CRMP1: variants seen among roughly 807,000 people sequenced by gnomAD.
CRMP1 encodes collapsin response mediator protein 1, also known as dihydropyrimidinase-related protein 1.
Under a neutral mutation model 68.3 loss-of-function variants are expected in CRMP1, and 19 were observed. That is an observed-to-expected ratio of 0.28 (90% confidence interval 0.19 to 0.41). CRMP1 has a LOEUF of 0.41. Ranked by LOEUF, CRMP1 falls within the 10% of genes least tolerant of loss-of-function variation. The pLI is 1.00. For missense variants in CRMP1, 791 were observed against 967.4 expected (o/e 0.82, Z 2.42); for synonymous variants, 439 against 399.6 (o/e 1.10, Z -1.18).
At position 5,860,943 on chromosome 4, in the gene CRMP1, A is replaced by G. The variant is rs1713506106; in HGVS notation, c.655+83T>C. The G allele has an allele frequency of 7.0e-7, 1 of 1,424,258 alleles. No individual in the cohort carries two copies. The highest frequency in any genetic ancestry group is 9.6e-7 in the Non-Finnish European group (1 of 1,041,594). 88.2% of individuals were successfully genotyped at this position (1,424,258 alleles called of 1,614,324 possible). On this transcript the variant is annotated intron_variant, in intron 3 of 13. Transcript: ENST00000324989. This position sits in a 1 kb window ranked among gnomAD's most constrained non-coding sequence, Gnocchi z 4.2. Reference sequence around the variant, plus strand: ...ATGGCACCCTGGGCAGAGAGCCTCGAACACACTGAGCACTTGTGATGCTGG... The same window carrying G: ...ATGGCACCCTGGGCAGAGAGCCTCGGACACACTGAGCACTTGTGATGCTGG...
intron 11 of CRMP1, among the ~76,000 whole-genome samples, chr4:5,830,388 T>C (rs1048963637): frequency 6.6e-6 from 1 of 152,244 alleles, no homozygotes; most frequent in Non-Finnish European, 1.5e-5. Context: ...TCTTTACCAT[T>C]TCTAAGTTTT....
rs369274794 is a variant in CRMP1, at chr4:5,825,644, C to T, written c.1819G>A (p.Gly607Arg). The change falls in exon 13 of 14, where the codon GGG becomes AGG. Residue 607 changes from glycine to arginine, a missense_variant. Gly to Arg is a moderately radical substitution (Grantham distance 125, BLOSUM62 -2). Coordinates refer to ENST00000324989, the MANE Select transcript of CRMP1 (RefSeq NM_001014809.3). The surrounding 1 kb of genome is among the most constrained non-coding windows in gnomAD (Gnocchi z 4.4). ...KIRNKVFGLQ[G>R]VSRGMYDGPV... ...CCGTCATACATGCCCCTGGAAACCC[C>T]TTGCAATCCAAAAACCTAAACAGAG... The T allele has an allele frequency of 1.2e-6, 2 of 1,612,142 alleles. No homozygotes were observed. Among genetic ancestry groups the T allele is most frequent in the South Asian group, 2.2e-5 (2 of 90,690 alleles).
chr4:5,851,914 AAGG>A (rs1209427884), intron 4 of CRMP1, among the ~76,000 whole-genome samples: 2 of 144,478 alleles, frequency 1.4e-5, no homozygotes, highest in Admixed American at 6.9e-5. Flanking sequence ...GGAGAAAGAG[AAGG>A]AGAAGAGGAA....
In CRMP1 at chr4:5,841,539, T is replaced by C. The variant is rs2286282; in HGVS notation, c.1033-111A>G. 576,567 of 1,529,896 alleles carry C rather than the reference T, an allele frequency of 0.38. 110,533 individuals carry two copies. The highest frequency in any genetic ancestry group is 0.46 in the African/African-American group (33,627 of 73,432). 94.8% of individuals were successfully genotyped at this position (1,529,896 alleles called of 1,614,324 possible). On this transcript the variant is annotated intron_variant, in intron 7 of 13. Coordinates refer to ENST00000324989, the MANE Select transcript of CRMP1 (RefSeq NM_001014809.3). This position sits in a 1 kb window ranked among gnomAD's most constrained non-coding sequence, Gnocchi z 6.9. ...CAGAAGGGAAATCTGCTCCATTGAATGAGAAGGACATACTGAGTCCAACAG... is the reference window on the plus strand; with the variant it reads ...CAGAAGGGAAATCTGCTCCATTGAACGAGAAGGACATACTGAGTCCAACAG...
chr4:5,864,345 T>C (rs1398250748), intron 2 of CRMP1, among the ~76,000 whole-genome samples: 2 of 152,088 alleles, frequency 1.3e-5, no homozygotes, highest in Non-Finnish European at 2.9e-5. Context: ...CAAAGGGGTG[T>C]TCCCTCAGAG....
rs1328696122 is a variant in CRMP1, at chr4:5,859,438, G to A, written c.655+1588C>T. On this transcript the variant is annotated intron_variant, in intron 3 of 13. Coordinates refer to ENST00000324989, the MANE Select transcript of CRMP1 (RefSeq NM_001014809.3). The surrounding 1 kb of genome is among the most constrained non-coding windows in gnomAD (Gnocchi z 5.2). ...AGTACTCCTTCCCCTGCCCTGTGCA[G>A]TCCTCCTGAACCCAGAACTTCCATG... 2.0e-5 allele frequency among the ~76,000 whole-genome samples: 3 copies of A among 152,198 alleles called. No homozygotes were observed. The highest frequency in any genetic ancestry group is 4.4e-5 in the Non-Finnish European group (3 of 68,040).
At chr4:5,887,037 G>C (rs567863261) in intron 1 of CRMP1, among the ~76,000 whole-genome samples, 3 of 152,172 alleles carry the variant, frequency 2.0e-5, no homozygotes, top group Admixed American at 2.0e-4. Context: ...GACAGTGCAG[G>C]GGAGGCAGGG....
At chr4:5,845,091 C>T (rs185790714) in intron 6 of CRMP1, among the ~76,000 whole-genome samples, 8 of 152,314 alleles carry the variant, frequency 5.3e-5, no homozygotes, top group East Asian at 1.9e-4. Context: ...CAAATGGAGC[C>T]GGACATAAGA....
At position 5,892,785 on chromosome 4, in the gene CRMP1, C is replaced by A; in HGVS notation, c.185G>T (p.Arg62Leu). 3.1e-6 allele frequency: 4 copies of A among 1,304,376 alleles called. No individual in the cohort carries two copies. Among genetic ancestry groups the A allele is most frequent in the South Asian group, 2.0e-5 (1 of 48,866 alleles). The allele number at this position is 1,304,376 out of a possible 1,614,324, so 80.8% of individuals were successfully genotyped here. The change falls in exon 1 of 14, where the codon CGC (arginine) becomes CTC (leucine). Residue 62 changes from arginine to leucine, a missense_variant. Arg to Leu is a moderately radical substitution (Grantham distance 102, BLOSUM62 -2). Coordinates refer to ENST00000324989, the MANE Select transcript of CRMP1 (RefSeq NM_001014809.3). This position sits in a 1 kb window ranked among gnomAD's most constrained non-coding sequence, Gnocchi z 8.6. Reference sequence around the variant, plus strand: ...GGGCCGGCCAGCGCTGCGCGGCGTGCGCGCCGAGCCGCGGCGGCCCACACT... The same window carrying A: ...GGGCCGGCCAGCGCTGCGCGGCGTGAGCGCCGAGCCGCGGCGGCCCACACT... Reference protein sequence around the residue: ...AYSVGRRGSARTPRSAGRPDA... With the variant: ...AYSVGRRGSALTPRSAGRPDA...
At chr4:5,829,759 A>C (rs911683509) in intron 11 of CRMP1, among the ~76,000 whole-genome samples, 5 of 152,242 alleles carry the variant, frequency 3.3e-5, no homozygotes, top group African/African-American at 1.2e-4. Context: ...TTTCATCAGG[A>C]GGATGTACTA....
rs193220214 is a variant in CRMP1 at position 5,825,920 on chromosome 4, G to T, written c.1804-261C>A. 8.1e-6 allele frequency: 4 copies of T among 491,900 alleles called. No individual in the cohort carries two copies. The highest frequency in any genetic ancestry group is 7.1e-6 in the Non-Finnish European group (2 of 282,376). 30.5% of individuals were successfully genotyped at this position (491,900 alleles called of 1,614,324 possible). ...ATACAGACGCACACACCACGCACAC[G>T]CACTCACATACATGCAGTCATGCAC... On this transcript the variant is annotated intron_variant, in intron 12 of 13. Transcript: ENST00000324989. This position sits in a 1 kb window ranked among gnomAD's most constrained non-coding sequence, Gnocchi z 4.4.
chr4:5,828,438 C>T, intron 12 of CRMP1, 51 bp downstream of exon 12: 1 of 1,589,466 alleles, frequency 6.3e-7, no homozygotes, highest in Non-Finnish European at 8.6e-7. Context: ...CCAAGAGACG[C>T]TGTCGGCTCT....
At position 5,825,838 on chromosome 4, in the gene CRMP1, G is replaced by C. The variant is rs1181884328; in HGVS notation, c.1804-179C>G. The C allele has an allele frequency of 3.2e-6, 2 of 624,978 alleles. No individual in the cohort carries two copies. The highest frequency in any genetic ancestry group is 3.1e-5 in the East Asian group (1 of 32,356). 38.7% of individuals were successfully genotyped at this position (624,978 alleles called of 1,614,324 possible). ...CTTCACACACATGCAGCCGCACACA[G>C]GCATTCATACACACAAGCATGCATA... On this transcript the variant is annotated intron_variant, in intron 12 of 13. Coordinates refer to ENST00000324989, the MANE Select transcript of CRMP1 (RefSeq NM_001014809.3). This position sits in a 1 kb window ranked among gnomAD's most constrained non-coding sequence, Gnocchi z 4.4.
At chr4:5,823,115 G>A (rs1001735104) in intron 13 of CRMP1, among the ~76,000 whole-genome samples, 1 of 152,154 alleles carries the variant, frequency 6.6e-6, no homozygotes, top group Non-Finnish European at 1.5e-5. Context: ...AAGTTTCAGT[G>A]CTAATCATGC....
At chr4:5,827,794 G>A (rs115414630) in intron 12 of CRMP1, among the ~76,000 whole-genome samples, 2,301 of 152,180 alleles carry the variant, frequency 0.015, 53 homozygotes, top group African/African-American at 0.052. Flanking sequence ...GTCTCATGGG[G>A]AAAGCAGCTG....
At position 5,877,980 on chromosome 4, in the gene CRMP1, T is replaced by C. The variant is rs1040976611; in HGVS notation, c.382-11224A>G. On this transcript the variant is annotated intron_variant, in intron 1 of 13. Transcript: ENST00000324989. The surrounding 1 kb of genome is among the most constrained non-coding windows in gnomAD (Gnocchi z 4.3). Reference sequence around the variant, plus strand: ...ATTTCTCTGTGTTCTGGTCTGTGCTTCTTGCTTTATAGAAAGAAATCCGAA... The same window carrying C: ...ATTTCTCTGTGTTCTGGTCTGTGCTCCTTGCTTTATAGAAAGAAATCCGAA... Among the ~76,000 whole-genome samples, 2 of 152,246 alleles carry C rather than the reference T, an allele frequency of 1.3e-5. No homozygotes were observed. The highest frequency in any genetic ancestry group is 2.9e-5 in the Non-Finnish European group (2 of 68,042).
intron 1 of CRMP1, among the ~76,000 whole-genome samples, chr4:5,868,898 C>G (rs980766957): frequency 6.6e-6 from 1 of 152,106 alleles, no homozygotes; most frequent in East Asian, 1.9e-4. Flanking sequence ...ATTCTTTGCA[C>G]GAAAACACTA....
In CRMP1 at chr4:5,892,719, G is replaced by A. The variant is rs1206474552; in HGVS notation, c.251C>T (p.Thr84Met). The A allele has an allele frequency of 1.6e-6, 2 of 1,228,786 alleles. No homozygotes were observed. Among genetic ancestry groups the A allele is most frequent in the East Asian group, 3.5e-5 (1 of 28,370 alleles). 76.1% of individuals were successfully genotyped at this position (1,228,786 alleles called of 1,614,324 possible). A position where few individuals can be genotyped will look rare whatever the true frequency, so the allele number is the denominator to read the frequency against. Residue 84 changes from threonine (T) to methionine (M), a missense_variant, in exon 1 of 14, where the codon ACG (threonine) becomes ATG (methionine). This residue lies in a region of CRMP1 where 193 missense variants were observed against 186.3 expected (regional missense o/e 1.04). Coordinates refer to ENST00000324989, the MANE Select transcript of CRMP1 (RefSeq NM_001014809.3). This position sits in a 1 kb window ranked among gnomAD's most constrained non-coding sequence, Gnocchi z 8.6. ...GLPGPGGSED[T>M]ASDVSEPSGS... ...CGAGGGCTCGCTCACGTCGCTGGCCGTGTCCTCGCTGCCTCCCGGCCCTGG... is the reference window on the plus strand; with the variant it reads ...CGAGGGCTCGCTCACGTCGCTGGCCATGTCCTCGCTGCCTCCCGGCCCTGG...
rs138867666 is a variant in CRMP1 at position 5,885,691 on chromosome 4, C to T, written c.381+6898G>A. 3.5e-3 allele frequency among the ~76,000 whole-genome samples: 530 copies of T among 152,274 alleles called. 1 individual carries two copies. Among genetic ancestry groups the T allele is most frequent in the Non-Finnish European group, 5.6e-3 (383 of 68,028 alleles). ...TGAGTGTCCCTGCTGGGGTTTCTTCCGCCCCGCCGTATGATACCCTTAACA... is the reference window on the plus strand; with the variant it reads ...TGAGTGTCCCTGCTGGGGTTTCTTCTGCCCCGCCGTATGATACCCTTAACA... On this transcript the variant is annotated intron_variant, in intron 1 of 13. Transcript: ENST00000324989.
Sources: allele counts gnomAD v4.1 joint callset (sites outside exome capture counted in the v4.1 genomes callset), GRCh38; gene constraint gnomAD v4.1.1; regional missense constraint gnomAD v4.1.1; non-coding constraint Gnocchi (gnomAD v3.1); transcripts MANE v1.5; gene names NCBI Gene and HGNC (gene_info 2026-07-23, HGNC 2026-07-21).